SLC38A10: variants seen among roughly 807,000 people sequenced by gnomAD.
The protein encoded by SLC38A10 is Sodium-coupled neutral amino acid transporter 10.
A neutral mutation model predicts 81.0 loss-of-function variants in SLC38A10; 53 were observed. That is an observed-to-expected ratio of 0.65 (90% CI 0.53 to 0.82). The LOEUF (loss-of-function observed/expected upper bound fraction) is 0.82, where lower values mean the gene tolerates loss of function less well. Among genes scored for constraint, SLC38A10 ranks in the 40% least tolerant of loss-of-function variants. The probability of loss-of-function intolerance (pLI) is 0.00; values close to 1 mark genes in which losing one functional copy is unlikely to be tolerated. For synonymous variants in SLC38A10, 665 were observed against 655.3 expected (o/e 1.01, Z -0.23); for missense variants, 1,471 against 1,545.0 (o/e 0.95, Z 0.80).
rs1481152724 is a variant in SLC38A10 at position 81,245,792 on chromosome 17, T to C, written c.3124A>G (p.Lys1042Glu). Residue 1042 changes from lysine to glutamate, a missense_variant, in exon 16 of 16, where the codon AAA becomes GAA. By Grantham distance (56) the Lys-to-Glu change is moderately conservative. Coordinates refer to ENST00000374759, the MANE Select transcript of SLC38A10 (RefSeq NM_001037984.3). Reference protein sequence around the residue: ...PDNAKPNRDLKLQAGSDLRRR... With the variant: ...PDNAKPNRDLELQAGSDLRRR... ...CGGAGGTCGGAGCCAGCCTGCAGTTTCAGGTCCCGGTTGGGCTTGGCATTG... is the reference window on the plus strand; with the variant it reads ...CGGAGGTCGGAGCCAGCCTGCAGTTCCAGGTCCCGGTTGGGCTTGGCATTG... The C allele has an allele frequency of 3.7e-6, 6 of 1,601,236 alleles. No individual in the cohort carries two copies. The highest frequency in any genetic ancestry group is 5.1e-6 in the Non-Finnish European group (6 of 1,170,960).
intron 1 of SLC38A10, among the ~76,000 whole-genome samples, chr17:81,290,402 C>T (rs1023097647): frequency 1.3e-5 from 2 of 152,124 alleles, no homozygotes; most frequent in South Asian, 2.1e-4. Flanking sequence ...GTGGTCCATT[C>T]GAATAAGGGA....
At position 81,283,501 on chromosome 17, in the gene SLC38A10, T is replaced by C; in HGVS notation, c.265A>G (p.Met89Val). The stretch of plus-strand genomic sequence containing the variant: ...CAGGTGCCCAGCATCAGCCCGATCA[T>C]GCTGCACAGGGACGGGGGGTACGGG... ...KAGKMLVETS[M>V]IGLMLGTCIA... is the part of the protein sequence containing the mutation. The change falls in exon 4 of 16, where the codon ATG becomes GTG. Residue 89 changes from methionine to valine, a missense_variant and splice_region_variant. Met to Val is a conservative substitution (Grantham distance 21, BLOSUM62 1). Around this residue, in one of 2 missense-constraint regions of SLC38A10, gnomAD observed 720 missense variants for 827.7 expected, o/e 0.87. Coordinates refer to ENST00000374759, the MANE Select transcript of SLC38A10 (RefSeq NM_001037984.3). The surrounding 1 kb of genome is among the most constrained non-coding windows in gnomAD (Gnocchi z 4.7). 6.2e-6 allele frequency: 10 copies of C among 1,608,994 alleles called. No homozygotes were observed. The highest frequency in any genetic ancestry group is 8.5e-6 in the Non-Finnish European group (10 of 1,177,764).
rs1567919264 is a variant in SLC38A10 at position 81,245,846 on chromosome 17, GT to G, written c.3069del (p.Lys1023AsnfsTer19). 2 of 1,612,136 alleles carry G rather than the reference GT, an allele frequency of 1.2e-6. No individual in the cohort carries two copies. Among genetic ancestry groups the G allele is most frequent in the Non-Finnish European group, 1.7e-6 (2 of 1,179,532 alleles). ...RQRPEPELGL[K>X]RAVPGGQRPD... ...GGCCTCTGGCCCCCCGGGACAGCTC[GT>G]TTGAGCCCCAGCTCTGGCTCTGGCC... On this transcript the variant is annotated frameshift_variant, in exon 16 of 16. Transcript: ENST00000374759. LOFTEE classifies it low-confidence loss of function (END_TRUNC).
chr17:81,284,987 A>C, intron 2 of SLC38A10, 92 bp from the exon 3 acceptor site: 1 of 1,213,842 alleles, frequency 8.2e-7, no homozygotes, highest in Non-Finnish European at 1.1e-6. Flanking sequence ...GGGCGATTTC[A>C]CAGAAACCCA....
At position 81,246,946 on chromosome 17, in the gene SLC38A10, C is replaced by T. The variant is rs1242858210; in HGVS notation, c.2181G>A (p.Glu727=). The T allele has an allele frequency of 6.2e-7, 1 of 1,607,820 alleles. No individual in the cohort carries two copies. The highest frequency in any genetic ancestry group is 8.5e-7 in the Non-Finnish European group (1 of 1,179,610). Residue 727 remains glutamate (E), a synonymous_variant, in exon 15 of 16, where the codon GAG becomes GAA. Transcript: ENST00000374759. ...GCTGGTGGATCTCCTTGTGCTGCTC[C>T]TCGATCACCGCCAGCAGCTTCTCCT... The part of the protein sequence containing the change: ...DQQEKLLAVI[E]EQHKEIHQQR...
chr17:81,290,129 C>T (rs1306727907), intron 1 of SLC38A10, among the ~76,000 whole-genome samples: 6 of 152,222 alleles, frequency 3.9e-5, no homozygotes, highest in Non-Finnish European at 8.8e-5. Flanking sequence ...CATGCACCAT[C>T]TTTAGCCACT....
chr17:81,250,118 C>A (rs529578023), intron 14 of SLC38A10: 9 of 1,285,800 alleles, frequency 7.0e-6, no homozygotes, highest in Non-Finnish European at 9.1e-6. Flanking sequence ...GAGAGGCATA[C>A]GGAAGAAAGG....
chr17:81,246,730 G>A (rs1264167811), intron 15 of SLC38A10, 57 bp from the exon 16 acceptor site: 3 of 1,499,912 alleles, frequency 2.0e-6, no homozygotes, highest in East Asian at 4.6e-5. Context: ...GCTGCCAGTG[G>A]AGGGGCTCAG....
At position 81,245,862 on chromosome 17, in the gene SLC38A10, TG is replaced by T; in HGVS notation, c.3053del (p.Pro1018GlnfsTer24). ...AVQEPRQRPE[P>X]ELGLKRAVPG... ...GGACAGCTCGTTTGAGCCCCAGCTC[TG>T]GCTCTGGCCTCTGCCTGGGCTCCTG... On this transcript the variant is annotated frameshift_variant, in exon 16 of 16. Coordinates refer to ENST00000374759, the MANE Select transcript of SLC38A10 (RefSeq NM_001037984.3). LOFTEE classifies it low-confidence loss of function (END_TRUNC). 1 of 1,612,276 alleles carries T rather than the reference TG, an allele frequency of 6.2e-7. No homozygotes were observed. The highest frequency in any genetic ancestry group is 1.3e-5 in the African/African-American group (1 of 75,056).
intron 1 of SLC38A10, among the ~76,000 whole-genome samples, chr17:81,290,956 G>A (rs1329129207): frequency 1.3e-5 from 2 of 151,998 alleles, no homozygotes; most frequent in Non-Finnish European, 2.9e-5. Context: ...CAGTTGAGCC[G>A]AGATTGCGCC....
At position 81,277,056 on chromosome 17, in the gene SLC38A10, T is replaced by G. The variant is rs1364550061; in HGVS notation, c.704A>C (p.Asn235Thr). The G allele has an allele frequency of 1.2e-6, 2 of 1,613,552 alleles. No individual in the cohort carries two copies. Among genetic ancestry groups the G allele is most frequent in the Admixed American group, 3.3e-5 (2 of 59,996 alleles). Residue 235 changes from asparagine (N) to threonine (T), a missense_variant, in exon 7 of 16, where the codon AAT (asparagine) becomes ACT (threonine). Asn to Thr is a moderately conservative substitution (Grantham distance 65, BLOSUM62 0). This residue lies in a region of SLC38A10 where 720 missense variants were observed against 827.7 expected (regional missense o/e 0.87). Coordinates refer to ENST00000374759, the MANE Select transcript of SLC38A10 (RefSeq NM_001037984.3). The surrounding 1 kb of genome is among the most constrained non-coding windows in gnomAD (Gnocchi z 4.5). ...TMSSIFASSLNVVTTFYVMVG... is the reference protein window; with the variant it reads ...TMSSIFASSLTVVTTFYVMVG... ...CATGACGTAGAAGGTGGTGACCACA[T>G]TAAGGGAGGAAGCAAATATGGAGCT...
At chr17:81,275,837 C>T (rs1049440820) in intron 8 of SLC38A10, 132 bp downstream of exon 8, 25 of 1,061,912 alleles carry the variant, frequency 2.4e-5, no homozygotes, top group East Asian at 1.3e-4. Flanking sequence ...CCCCAACTTC[C>T]GCCCTCCCGG....
chr17:81,275,688 C>T (rs1194941426), intron 8 of SLC38A10, among the ~76,000 whole-genome samples: 3 of 139,130 alleles, frequency 2.2e-5, no homozygotes, highest in Admixed American at 7.3e-5. Context: ...GTCGAGATCG[C>T]GCCACTGCAC....
rs2063288282 is a variant in SLC38A10 at position 81,288,786 on chromosome 17, T to C, written c.217+905A>G. ...AACAGCCCAGGCCTGAGGAGCTTCC[T>C]CCATGGAATTCCGAGTTGGGGAGAA... is the stretch of plus-strand genomic sequence containing the variant. On this transcript the variant is annotated intron_variant, in intron 2 of 15. Transcript: ENST00000374759. The surrounding 1 kb of genome is among the most constrained non-coding windows in gnomAD (Gnocchi z 5.4). 1 of 152,314 alleles carries C rather than the reference T, an allele frequency of 6.6e-6. No homozygotes were observed. Among genetic ancestry groups the C allele is most frequent in the African/African-American group, 2.4e-5 (1 of 41,432 alleles). 9.4% of individuals were successfully genotyped at this position (152,314 alleles called of 1,614,324 possible). A position where few individuals can be genotyped will look rare whatever the true frequency, so the allele number is the denominator to read the frequency against.
In SLC38A10 at chr17:81,282,317, G is replaced by A. The variant is rs141053452; in HGVS notation, c.373C>T (p.Arg125Cys). 8.3e-4 allele frequency: 1,346 copies of A among 1,612,144 alleles called. 2 individuals carry two copies. Among genetic ancestry groups the A allele is most frequent in the Non-Finnish European group, 1.0e-3 (1,178 of 1,179,458 alleles). The change falls in exon 5 of 16, where the codon CGC becomes TGC. Residue 125 changes from arginine to cysteine, a missense_variant. Around this residue, in one of 2 missense-constraint regions of SLC38A10, gnomAD observed 720 missense variants for 827.7 expected, o/e 0.87. Transcript: ENST00000374759. Reference protein sequence around the residue: ...LFGFQVGGTFRMFLLFAVSLC... With the variant: ...LFGFQVGGTFCMFLLFAVSLC... ...GACACGGCGAACAGCAGGAACATGC[G>A]GAAGGTGCCGCCCACCTGCGGGGAG...
At position 81,280,750 on chromosome 17, in the gene SLC38A10, G is replaced by A. The variant is rs756273539; in HGVS notation, c.502-17C>T. The A allele has an allele frequency of 6.2e-7, 1 of 1,606,920 alleles. No individual in the cohort carries two copies. The highest frequency in any genetic ancestry group is 1.1e-5 in the South Asian group (1 of 90,298). On this transcript the variant is annotated splice_polypyrimidine_tract_variant and intron_variant, in intron 5 of 15. Transcript: ENST00000374759. ...GAGCACGATCTGCAGAGGGAGAGGG[G>A]AGAGAGCACGGGGCAGGTCAGGACG...
chr17:81,293,085 C>A (rs2063322788), intron 1 of SLC38A10, among the ~76,000 whole-genome samples: 1 of 152,232 alleles, frequency 6.6e-6, no homozygotes, highest in Non-Finnish European at 1.5e-5. Context: ...ATCACTCGAA[C>A]CCTGGAGGCA....
rs1381714600 is a variant in SLC38A10 at position 81,288,331 on chromosome 17, G to A, written c.217+1360C>T. Reference sequence around the variant, plus strand: ...GCGGGAGCTGTGAGCCCGGGGGGCAGGATGGCCTTCTGCAGGGAGGACCTA... The same window carrying A: ...GCGGGAGCTGTGAGCCCGGGGGGCAAGATGGCCTTCTGCAGGGAGGACCTA... On this transcript the variant is annotated intron_variant, in intron 2 of 15. Transcript: ENST00000374759. This position sits in a 1 kb window ranked among gnomAD's most constrained non-coding sequence, Gnocchi z 5.4. Among the ~76,000 whole-genome samples the A allele has an allele frequency of 6.6e-6, 1 of 152,248 alleles. No homozygotes were observed. Among genetic ancestry groups the A allele is most frequent in the African/African-American group, 2.4e-5 (1 of 41,462 alleles).
rs377261280 is a variant in SLC38A10 at position 81,286,995 on chromosome 17, T to C, written c.218-2100A>G. Among the ~76,000 whole-genome samples, 44 of 152,304 alleles carry C rather than the reference T, an allele frequency of 2.9e-4. No individual in the cohort carries two copies. The highest frequency in any genetic ancestry group is 1.7e-3 in the East Asian group (9 of 5,192). On this transcript the variant is annotated intron_variant, in intron 2 of 15. Coordinates refer to ENST00000374759, the MANE Select transcript of SLC38A10 (RefSeq NM_001037984.3). This position sits in a 1 kb window ranked among gnomAD's most constrained non-coding sequence, Gnocchi z 6.0. ...AAGGAGGCTGAATGACTGATGTATC[T>C]GTGTGTCTTCTGAAGAGGGGATTTA...
Sources: allele counts gnomAD v4.1 joint callset (sites outside exome capture counted in the v4.1 genomes callset), GRCh38; gene constraint gnomAD v4.1.1; regional missense constraint gnomAD v4.1.1; non-coding constraint Gnocchi (gnomAD v3.1); transcripts MANE v1.5; gene names NCBI Gene and HGNC (gene_info 2026-07-23, HGNC 2026-07-21).